Variants in CRB1 observed in about 807,000 individuals in gnomAD.
The protein encoded by CRB1 is crumbs cell polarity complex component 1.
In CRB1, 83 loss-of-function variants were observed where a neutral mutation model predicts 120.0. The ratio of observed to expected loss-of-function variants is 0.69; its 90% confidence interval spans 0.58 to 0.83. CRB1 has a LOEUF of 0.83. Ranked by LOEUF, CRB1 falls within the 40% of genes least tolerant of loss-of-function variation. CRB1 has a pLI of 0.00. For missense variants in CRB1, 1,699 were observed against 1,687.6 expected, an observed-to-expected ratio of 1.01 and a Z score of -0.12; for synonymous variants, 625 against 612.5, an observed-to-expected ratio of 1.02 and a Z score of -0.30.
intron 5 of CRB1, among the ~76,000 whole-genome samples, chr1:197,368,134 T>A (rs1661176356): frequency 6.6e-6 from 1 of 152,214 alleles, no homozygotes; most frequent in African/African-American, 2.4e-5. Flanking sequence ...TATCTCCTGC[T>A]GGAAGAGAAA....
chr1:197,464,562 C>T (rs1163867821), intron 11 of CRB1, among the ~76,000 whole-genome samples: 1 of 151,740 alleles, frequency 6.6e-6, no homozygotes, highest in Non-Finnish European at 1.5e-5. Flanking sequence ...ATTGAAGAGG[C>T]TTAGTTTATA....
chr1:197,380,520 G>A (rs536960230), intron 5 of CRB1, among the ~76,000 whole-genome samples: 16 of 152,258 alleles, frequency 1.1e-4, no homozygotes, highest in South Asian at 4.1e-4. Context: ...CAGTGAATTC[G>A]TTCCAGTGAA....
chr1:197,281,102 C>A (rs1043962411), intron 1 of CRB1, among the ~76,000 whole-genome samples: 6 of 151,816 alleles, frequency 4.0e-5, no homozygotes, highest in Non-Finnish European at 8.8e-5. Context: ...TTAAGAGACA[C>A]TAATCCATAA....
chr1:197,363,359 C>A (rs1660883839), intron 5 of CRB1, among the ~76,000 whole-genome samples: 1 of 151,760 alleles, frequency 6.6e-6, no homozygotes, highest in Admixed American at 6.6e-5. Context: ...GTTTACAGAG[C>A]TTTCTTTAGC....
At chr1:197,413,953 T>C (rs749912449) in intron 5 of CRB1, 72 of 457,056 alleles carry the variant, frequency 1.6e-4, no homozygotes, top group Non-Finnish European at 2.6e-5. Flanking sequence ...AGAAAGATGT[T>C]TGGAGCCAGG....
At chr1:197,211,352 T>C in the CRB1 span, among the ~76,000 whole-genome samples, 2 of 152,208 alleles carry the variant, frequency 1.3e-5, no homozygotes, top group African/African-American at 4.8e-5. Flanking sequence ...GCTTCCTTAG[T>C]CTGTGCCACT....
Position 197,435,394 on chromosome 1 carries a change from C to A in CRB1, c.3531C>A (p.Asn1177Lys). Residue 1177 changes from asparagine to lysine, a missense_variant, in exon 9 of 12, where the codon AAC becomes AAA. Asn to Lys is a moderately conservative substitution (Grantham distance 94). Coordinates refer to ENST00000367400, the MANE Select transcript of CRB1 (RefSeq NM_201253.3). ...LGWSGKHCEL[N>K]IDECFSNPCI... is the part of the protein sequence containing the mutation. ...GGTCAGGGAAACACTGTGAACTCAA[C>A]ATCGATGAATGCTTTTCAAACCCCT... 6.2e-7 allele frequency: 1 copy of A among 1,607,808 alleles called. No homozygotes were observed. Among genetic ancestry groups the A allele is most frequent in the Non-Finnish European group, 8.5e-7 (1 of 1,176,332 alleles).
chr1:197,382,585 G>A (rs1194078313), intron 5 of CRB1, among the ~76,000 whole-genome samples: 1 of 152,146 alleles, frequency 6.6e-6, no homozygotes, highest in Non-Finnish European at 1.5e-5. Flanking sequence ...GTTTAAATCA[G>A]TCTGCTTTAA....
the CRB1 span, among the ~76,000 whole-genome samples, chr1:197,207,683 G>A: frequency 2.0e-5 from 3 of 152,156 alleles, no homozygotes; most frequent in African/African-American, 7.2e-5. Flanking sequence ...ATAACTTTAT[G>A]ACTATGTGCC....
chr1:197,311,812 A>T (rs1224650257), intron 1 of CRB1, among the ~76,000 whole-genome samples: 1 of 151,740 alleles, frequency 6.6e-6, no homozygotes, highest in Non-Finnish European at 1.5e-5. Context: ...AATATTATTT[A>T]TATCTTTTAA....
chr1:197,244,129 A>C, the CRB1 span, among the ~76,000 whole-genome samples: 1 of 152,012 alleles, frequency 6.6e-6, no homozygotes, highest in Non-Finnish European at 1.5e-5. Context: ...TCTTTATCCA[A>C]TTTGCCAGTC....
rs547807548 is a variant in CRB1, at chr1:197,287,667, C to T, written c.70+19185C>T. On this transcript the variant is annotated intron_variant, in intron 1 of 11. Transcript: ENST00000367400. ...CAAAATTTCCTCATGTGCAGTTTAT[C>T]CAAGGATGGCTCACAAATAGAATTA... 4.6e-5 allele frequency among the ~76,000 whole-genome samples: 7 copies of T among 151,776 alleles called. No homozygotes were observed. In the South Asian group the frequency reaches 8.3e-4, roughly 18 times the overall value.
intron 1 of CRB1, among the ~76,000 whole-genome samples, chr1:197,311,764 T>C (rs970942374): frequency 2.7e-5 from 4 of 150,352 alleles, no homozygotes; most frequent in African/African-American, 9.8e-5. Context: ...ATTTAAGATC[T>C]ACTCTCTCTG....
chr1:197,329,390 A>C (rs1400830625), intron 2 of CRB1, among the ~76,000 whole-genome samples: 1 of 152,182 alleles, frequency 6.6e-6, no homozygotes, highest in Non-Finnish European at 1.5e-5. Context: ...GGCAGTTTGG[A>C]AGTTGATGGG....
intron 5 of CRB1, among the ~76,000 whole-genome samples, chr1:197,369,171 A>G (rs966152469): frequency 9.2e-5 from 14 of 152,116 alleles, no homozygotes; most frequent in Non-Finnish European, 1.6e-4. Flanking sequence ...CTAACTACCC[A>G]AGATCCCAAA....
intron 5 of CRB1, among the ~76,000 whole-genome samples, chr1:197,411,743 G>A (rs1663724236): frequency 6.6e-6 from 1 of 152,088 alleles, no homozygotes; most frequent in Non-Finnish European, 1.5e-5. Context: ...TATATATTGT[G>A]TTAAAGTTCT....
chr1:197,285,080 G>C (rs1655745852), intron 1 of CRB1, among the ~76,000 whole-genome samples: 2 of 151,870 alleles, frequency 1.3e-5, no homozygotes, highest in Non-Finnish European at 1.5e-5. Flanking sequence ...CTATTGGAGT[G>C]TGAGTTGGTC....
intron 2 of CRB1, among the ~76,000 whole-genome samples, chr1:197,333,155 A>C (rs1658962050): frequency 6.6e-6 from 1 of 152,234 alleles, no homozygotes; most frequent in African/African-American, 2.4e-5. Context: ...TTTAAAAGGC[A>C]GAGAGGTAGA....
chr1:197,474,199 TTG>T (rs1241280144), intron 11 of CRB1, among the ~76,000 whole-genome samples: 1 of 152,222 alleles, frequency 6.6e-6, no homozygotes, highest in African/African-American at 2.4e-5. Flanking sequence ...TTTACATTCT[TTG>T]TGTTTTATTT....
Sources: allele counts gnomAD v4.1 joint callset (sites outside exome capture counted in the v4.1 genomes callset), GRCh38; gene constraint gnomAD v4.1.1; transcripts MANE v1.5; gene names NCBI Gene and HGNC (gene_info 2026-07-23, HGNC 2026-07-21).